UVSSA: variants seen among roughly 807,000 people sequenced by gnomAD.
UVSSA encodes the protein UV stimulated scaffold protein A, also known as UV-stimulated scaffold protein A.
A neutral mutation model predicts 73.9 loss-of-function variants in UVSSA; 72 were observed. The observed-to-expected ratio is 0.97, with a 90% CI of 0.81 to 1.19. UVSSA has a LOEUF of 1.19. Ranked by LOEUF, UVSSA falls within the 50% of genes most tolerant of loss-of-function variation. The pLI, the probability that UVSSA is intolerant of heterozygous loss-of-function variation, is 0.00. For missense variants in UVSSA, 1,150 were observed against 965.0 expected (o/e 1.19, Z -2.54); for synonymous variants, 454 against 391.3 (o/e 1.16, Z -1.89).
chr4:1,385,413 C>T lies in UVSSA; in HGVS notation c.2037-455C>T, dbSNP rs116645989. 916 of 209,052 alleles carry T rather than the reference C, an allele frequency of 4.4e-3. 7 individuals are homozygous for T. Among genetic ancestry groups the T allele is most frequent in the African/African-American group, 0.02 (846 of 42,930 alleles). The allele number at this position is 209,052 out of a possible 1,614,324, so 12.9% of individuals were successfully genotyped here. A position where few individuals can be genotyped will look rare whatever the true frequency, so the allele number is the denominator to read the frequency against. ...TGCTCCCCGGAATGCCTGCCTGGCCCGTGCCCCCCCTGCTGCAGCCCTCCA... is the reference window on the plus strand; with the variant it reads ...TGCTCCCCGGAATGCCTGCCTGGCCTGTGCCCCCCCTGCTGCAGCCCTCCA... On this transcript the variant is annotated intron_variant, in intron 13 of 13. Coordinates refer to ENST00000389851, the MANE Select transcript of UVSSA (RefSeq NM_020894.4).
In UVSSA at chr4:1,349,586, A is replaced by G. The variant is rs778645373; in HGVS notation, c.161A>G (p.His54Arg). ...RLLIAQLTQE[H>R]AEIRLSAFQI... ...CTGATAGCACAGCTGACCCAGGAGCACGCCGAGATCCGTCTCTCAGCCTTC... is the reference window on the plus strand; with the variant it reads ...CTGATAGCACAGCTGACCCAGGAGCGCGCCGAGATCCGTCTCTCAGCCTTC... Residue 54 changes from histidine to arginine, a missense_variant, in exon 3 of 14, where the codon CAC (histidine) becomes CGC (arginine). His to Arg is a conservative substitution (Grantham distance 29). Transcript: ENST00000389851. The G allele has an allele frequency of 6.2e-7, 1 of 1,614,046 alleles. No homozygotes were observed. The highest frequency in any genetic ancestry group is 1.1e-5 in the South Asian group (1 of 91,082).
Position 1,354,790 on chromosome 4 carries a change from C to CG in UVSSA, c.991dup (p.Asp331GlyfsTer36). 1 of 1,613,614 alleles carries CG rather than the reference C, an allele frequency of 6.2e-7. No individual in the cohort carries two copies. On this transcript the variant is annotated frameshift_variant, in exon 6 of 14. Transcript: ENST00000389851. LOFTEE classifies it high-confidence loss of function. Reference sequence around the variant, plus strand: ...ACCTTGCTCTCATCCACGCCGCCCGCGACACACTCAAGCTCATCCGGAACA... The same window carrying CG: ...ACCTTGCTCTCATCCACGCCGCCCGCGGACACACTCAAGCTCATCCGGAACA...
rs1410028808 is a variant in UVSSA at position 1,354,982 on chromosome 4, C to G, written c.1047+135C>G. 3 of 1,526,840 alleles carry G rather than the reference C, an allele frequency of 2.0e-6. No individual in the cohort carries two copies. In the African/African-American group the frequency reaches 4.1e-5, roughly 21 times the overall value. 94.6% of individuals were successfully genotyped at this position (1,526,840 alleles called of 1,614,324 possible). On this transcript the variant is annotated intron_variant, in intron 6 of 13. Transcript: ENST00000389851. Reference sequence around the variant, plus strand: ...ACCCGCGAGGGCTCTGTCCCTCACCCGCAGCTTTGTCCTCTGCATCCCAGG... The same window carrying G: ...ACCCGCGAGGGCTCTGTCCCTCACCGGCAGCTTTGTCCTCTGCATCCCAGG...
exon 14 of UVSSA, chr4:1,394,343 C>T (rs1475903690): frequency 1.7e-6 from 2 of 1,196,326 alleles, no homozygotes; most frequent in East Asian, 2.6e-5. Flanking sequence ...ATGCTCTTCC[C>T]CCTTAAAGAT....
At chr4:1,394,934 C>A in exon 14 of UVSSA, 1 of 1,418,556 alleles carries the variant, frequency 7.0e-7, no homozygotes. Flanking sequence ...CTCACACGTG[C>A]CCATGCGGAG....
intron 4 of UVSSA, 142 bp downstream of exon 4, chr4:1,351,977 C>CGGAA (rs1396512575): frequency 5.9e-6 from 8 of 1,357,942 alleles, no homozygotes; most frequent in Non-Finnish European, 5.9e-6. Flanking sequence ...CAGGTCGGGC[C>CGGAA]GGAAGGCGTT....
rs1720133817 is a variant in UVSSA, at chr4:1,386,577, T to C, written c.*616T>C. 6.6e-6 allele frequency: 1 copy of C among 152,658 alleles called. No homozygotes were observed. Among genetic ancestry groups the C allele is most frequent in the Admixed American group, 6.5e-5 (1 of 15,366 alleles). 9.5% of individuals were successfully genotyped at this position (152,658 alleles called of 1,614,324 possible). A position where few individuals can be genotyped will look rare whatever the true frequency, so the allele number is the denominator to read the frequency against. ...GTCCATGCGGAAGCTTGTGCACCCA[T>C]GTTCACAGCAGCATTGGAGAAGGAT... On this transcript the variant is annotated 3_prime_UTR_variant, in exon 14 of 14. Coordinates refer to ENST00000389851, the MANE Select transcript of UVSSA (RefSeq NM_020894.4).
chr4:1,359,448 G>C (rs1159603168), intron 7 of UVSSA: 1 of 152,180 alleles, frequency 6.6e-6, no homozygotes, highest in African/African-American at 2.4e-5. Flanking sequence ...AAATTACATA[G>C]CTCAAATCAC....
intron 7 of UVSSA, 74 bp downstream of exon 7, chr4:1,355,319 TGCCCTGGGCCTGTGG>T: frequency 7.1e-7 from 1 of 1,417,068 alleles, no homozygotes; most frequent in Non-Finnish European, 9.7e-7. Context: ...GGGGGGGTTG[TGCCCTGGGCCTGTGG>T]GCCCGGCGGA....
chr4:1,375,295 C>A, intron 8 of UVSSA, 69 bp from the exon 9 acceptor site: 1 of 1,593,008 alleles, frequency 6.3e-7, no homozygotes, highest in Non-Finnish European at 8.6e-7. Context: ...TCCTAACTGC[C>A]CGGTCTTGCC....
intron 8 of UVSSA, among the ~76,000 whole-genome samples, chr4:1,373,666 T>G (rs1225717461): frequency 2.0e-5 from 3 of 152,222 alleles, no homozygotes; most frequent in Admixed American, 1.3e-4. Flanking sequence ...TGTGGCTCAT[T>G]GTTTCTTCAA....
In UVSSA at chr4:1,375,888, T is replaced by C. The variant is rs998338651; in HGVS notation, c.1434-146T>C. 4.8e-5 allele frequency: 63 copies of C among 1,311,186 alleles called. 2 individuals are homozygous for C. The highest frequency in any genetic ancestry group is 1.0e-6 in the Non-Finnish European group (1 of 975,350). The allele number at this position is 1,311,186 out of a possible 1,614,324, so 81.2% of individuals were successfully genotyped here. A position where few individuals can be genotyped will look rare whatever the true frequency, so the allele number is the denominator to read the frequency against. On this transcript the variant is annotated intron_variant, in intron 9 of 13. Coordinates refer to ENST00000389851, the MANE Select transcript of UVSSA (RefSeq NM_020894.4). ...TCTCACAGGACCTCAGCGGTGGCCCTGAGGCCCAGGCGTCGTGTGGCAGAA... is the reference window on the plus strand; with the variant it reads ...TCTCACAGGACCTCAGCGGTGGCCCCGAGGCCCAGGCGTCGTGTGGCAGAA...
intron 10 of UVSSA, among the ~76,000 whole-genome samples, chr4:1,378,518 T>G (rs1719048701): frequency 6.6e-6 from 1 of 151,960 alleles, no homozygotes; most frequent in Non-Finnish European, 1.5e-5. Flanking sequence ...ACCATCACAC[T>G]CCAGCCTGGG....
upstream of UVSSA, among the ~76,000 whole-genome samples, chr4:1,342,362 G>A (rs920638035): frequency 6.6e-6 from 1 of 151,622 alleles, no homozygotes; most frequent in Non-Finnish European, 1.5e-5. Flanking sequence ...CTGATGCGCT[G>A]ATTGTAATTT....
chr4:1,350,468 A>T (rs1577279957), intron 3 of UVSSA, among the ~76,000 whole-genome samples: 1 of 151,854 alleles, frequency 6.6e-6, no homozygotes, highest in Non-Finnish European at 1.5e-5. Flanking sequence ...TTTGTTTCAG[A>T]CTCCTGGGTC....
chr4:1,342,017 C>G (rs1713448661), upstream of UVSSA, among the ~76,000 whole-genome samples: 1 of 152,194 alleles, frequency 6.6e-6, no homozygotes, highest in African/African-American at 2.4e-5. Context: ...TGATAGACAT[C>G]TGGGTTGTTC....
At chr4:1,348,034 C>T (rs909260959) in intron 1 of UVSSA, 56 bp from the exon 2 acceptor site, 13 of 1,427,568 alleles carry the variant, frequency 9.1e-6, no homozygotes, top group Admixed American at 8.6e-5. Flanking sequence ...GTTAATAACA[C>T]CGAGAGCTAT....
chr4:1,354,840 G>T lies in UVSSA; in HGVS notation c.1040G>T (p.Trp347Leu). 1.2e-6 allele frequency: 2 copies of T among 1,605,140 alleles called. No homozygotes were observed. The highest frequency in any genetic ancestry group is 1.7e-6 in the Non-Finnish European group (2 of 1,175,152). Residue 347 changes from tryptophan to leucine, a missense_variant, in exon 6 of 14, where the codon TGG becomes TTG. Trp to Leu is a moderately conservative substitution (Grantham distance 61). Transcript: ENST00000389851. ...RNKFLPAVCS[W>L]IQRFTRVGTH... ...AAGTTCCTGCCGGCTGTGTGCTCGT[G>T]GATCCAGGTGAGCCTCGAACCTGGG... is the stretch of plus-strand genomic sequence containing the variant.
At chr4:1,382,044 T>C (rs777793949) in intron 12 of UVSSA, among the ~76,000 whole-genome samples, 23 of 152,234 alleles carry the variant, frequency 1.5e-4, no homozygotes, top group Non-Finnish European at 3.4e-4. Context: ...GAAGAGCAGC[T>C]CTGGGGGCCC....
Sources: gnomAD v4.1 joint callset for allele counts (sites outside exome capture counted in the v4.1 genomes callset) on GRCh38, gnomAD v4.1.1 for gene constraint, MANE v1.5 for transcripts, NCBI Gene and HGNC (gene_info 2026-07-23, HGNC 2026-07-21) for gene names.